The following SPRYD3 variants were observed in gnomAD, a reference collection of about 807,000 sequenced individuals.
SPRYD3 encodes SPRY domain containing 3, also known as SPRY domain-containing protein 3.
In SPRYD3, 17 loss-of-function variants were observed where a neutral mutation model predicts 50.1. The observed-to-expected ratio is 0.34, with a 90% CI of 0.23 to 0.51. The LOEUF (loss-of-function observed/expected upper bound fraction) is 0.51, where lower values mean the gene tolerates loss of function less well. Among genes scored for constraint, SPRYD3 ranks in the 20% least tolerant of loss-of-function variants. The probability of loss-of-function intolerance (pLI) is 0.97; values close to 1 mark genes in which losing one functional copy is unlikely to be tolerated. For synonymous variants in SPRYD3, 198 were observed against 215.5 expected (o/e 0.92, Z 0.71); for missense variants, 401 against 591.2 (o/e 0.68, Z 3.34).
chr12:53,078,038 G>A, intron 1 of SPRYD3: 1 of 437,088 alleles, frequency 2.3e-6, no homozygotes, highest in Non-Finnish European at 4.6e-6. Context: ...TTAAAACAAT[G>A]AGCCAGGTGT....
At chr12:53,079,284 G>C (rs1944614464) in intron 1 of SPRYD3, 27 bp downstream of exon 1, 1 of 1,597,828 alleles carries the variant, frequency 6.3e-7, no homozygotes, top group African/African-American at 1.3e-5. Context: ...CGAGGCCTCC[G>C]GGACCCCGCC....
chr12:53,078,132 T>C (rs950413208), intron 1 of SPRYD3: 3 of 453,986 alleles, frequency 6.6e-6, no homozygotes, highest in African/African-American at 6.0e-5. Flanking sequence ...TCAGTTCTGA[T>C]TGTGCCACTA....
rs201934769 is a variant in SPRYD3, at chr12:53,073,479, G to T, written c.508-8C>A. 6 of 1,521,900 alleles carry T rather than the reference G, an allele frequency of 3.9e-6. No homozygotes were observed. The highest frequency in any genetic ancestry group is 2.4e-5 in the South Asian group (2 of 82,660). 94.3% of individuals were successfully genotyped at this position (1,521,900 alleles called of 1,614,324 possible). A position where few individuals can be genotyped will look rare whatever the true frequency, so the allele number is the denominator to read the frequency against. ...CATGATGGTAGAGCCCACCTGCAGT[G>T]GGGGGAAAGACGGAGCTGCCACCCG... On this transcript the variant is annotated splice_polypyrimidine_tract_variant and splice_region_variant and intron_variant, in intron 5 of 10. Coordinates refer to ENST00000301463, the MANE Select transcript of SPRYD3 (RefSeq NM_032840.3).
rs553713532 is a variant in SPRYD3, at chr12:53,076,906, G to A, written c.170+209C>T. On this transcript the variant is annotated intron_variant, in intron 2 of 10. Transcript: ENST00000301463. ...GGAGGTTGCAGTGAGCTGAGATCACGCCACTGCACTGTAGCCTGGGTGACA... is the reference window on the plus strand; with the variant it reads ...GGAGGTTGCAGTGAGCTGAGATCACACCACTGCACTGTAGCCTGGGTGACA... Among the ~76,000 whole-genome samples the A allele has an allele frequency of 5.3e-5, 8 of 151,710 alleles. No homozygotes were observed. The East Asian group carries it at 9.7e-4, about 18-fold the overall frequency.
At chr12:53,075,294 C>G in intron 3 of SPRYD3, 75 bp from the exon 4 acceptor site, 1 of 1,510,494 alleles carries the variant, frequency 6.6e-7, no homozygotes, top group Non-Finnish European at 9.1e-7. Flanking sequence ...GGGAAGGGGA[C>G]TTAGAGATTA....
chr12:53,067,857 GA>G, intron 7 of SPRYD3, 152 bp from the exon 8 acceptor site: 1 of 775,286 alleles, frequency 1.3e-6, no homozygotes, highest in Admixed American at 2.2e-5. Flanking sequence ...GGCTTCAGGG[GA>G]ACCAGGGAGG....
At position 53,069,332 on chromosome 12, in the gene SPRYD3, C is replaced by T. The variant is rs185923508; in HGVS notation, c.694-1028G>A. Among the ~76,000 whole-genome samples the T allele has an allele frequency of 2.0e-4, 31 of 152,284 alleles. No homozygotes were observed. The East Asian group carries it at 5.6e-3, about 28-fold the overall frequency. The stretch of plus-strand genomic sequence containing the variant: ...ACATGTTGCCTAGGGACCTCCTCCA[C>T]GTCTCCCTGGCAAGCTTTGGGACGC... On this transcript the variant is annotated intron_variant, in intron 6 of 10. Transcript: ENST00000301463.
In SPRYD3 at chr12:53,067,668, C is replaced by T. The variant is rs763687117; in HGVS notation, c.881G>A (p.Gly294Glu). The T allele has an allele frequency of 1.2e-6, 2 of 1,614,084 alleles. No individual in the cohort carries two copies. The change falls in exon 8 of 11, where the codon GGG becomes GAG. Residue 294 changes from glycine to glutamate, a missense_variant. Physicochemically the swap from Gly to Glu is moderately conservative, Grantham distance 98. Transcript: ENST00000301463. ...TTCACCTGCATGATAAGCCACAGAC[C>T]CTCTGCTCCAGCCAGGGTGCCTGTT... Reference protein sequence around the residue: ...PKNRHPGWSRGSVAYHADDGK... With the variant: ...PKNRHPGWSRESVAYHADDGK...
intron 1 of SPRYD3, among the ~76,000 whole-genome samples, chr12:53,079,076 G>A (rs1944612284): frequency 6.6e-6 from 1 of 152,202 alleles, no homozygotes; most frequent in Non-Finnish European, 1.5e-5. Flanking sequence ...CCCGGGCACG[G>A]CCTGATCACT....
intron 5 of SPRYD3, among the ~76,000 whole-genome samples, chr12:53,073,793 G>A (rs894991715): frequency 6.0e-5 from 9 of 149,862 alleles, no homozygotes; most frequent in African/African-American, 1.7e-4. Flanking sequence ...GCAGTGAGCC[G>A]AGATGGTGCC....
At position 53,077,351 on chromosome 12, in the gene SPRYD3, G is replaced by A. The variant is rs114424478; in HGVS notation, c.24-90C>T. ...GACCCAGAAGGTAGAGAAGGCACTG[G>A]CCTTGAGGCCAGCTGCCCAGATTGA... On this transcript the variant is annotated intron_variant, in intron 1 of 10. Coordinates refer to ENST00000301463, the MANE Select transcript of SPRYD3 (RefSeq NM_032840.3). 232 of 1,424,326 alleles carry A rather than the reference G, an allele frequency of 1.6e-4. No homozygotes were observed. The African/African-American group carries it at 2.9e-3, about 18-fold the overall frequency. The allele number at this position is 1,424,326 out of a possible 1,614,324, so 88.2% of individuals were successfully genotyped here. A position where few individuals can be genotyped will look rare whatever the true frequency, so the allele number is the denominator to read the frequency against.
At chr12:53,066,212 T>A (rs1944504680) in intron 10 of SPRYD3, 102 bp downstream of exon 10, 1 of 1,540,770 alleles carries the variant, frequency 6.5e-7, no homozygotes, top group African/African-American at 1.4e-5. Context: ...CGCCAGAGCT[T>A]CCCGTCTTTC....
At position 53,073,314 on chromosome 12, in the gene SPRYD3, C is replaced by A; in HGVS notation, c.665G>T (p.Arg222Leu). 7.3e-7 allele frequency: 1 copy of A among 1,368,076 alleles called. No individual in the cohort carries two copies. Among genetic ancestry groups the A allele is most frequent in the East Asian group, 4.0e-5 (1 of 25,006 alleles). The allele number at this position is 1,368,076 out of a possible 1,614,324, so 84.7% of individuals were successfully genotyped here. Residue 222 changes from arginine (R) to leucine (L), a missense_variant, in exon 6 of 11, where the codon CGG (arginine) becomes CTG (leucine). By Grantham distance (102) the Arg-to-Leu change is moderately radical. Coordinates refer to ENST00000301463, the MANE Select transcript of SPRYD3 (RefSeq NM_032840.3). ...CCCACAGACTCTGACATCATGTAGC[C>A]GGCCCCATTCATCCTCGTAACTGTC... ...MVDSYEDEWG[R>L]LHDVRVCGTL... is the part of the protein sequence containing the mutation.
At chr12:53,078,484 C>CAA (rs79320546) in intron 1 of SPRYD3, among the ~76,000 whole-genome samples, 11 of 68,762 alleles carry the variant, frequency 1.6e-4, no homozygotes, top group Middle Eastern at 7.9e-3. Flanking sequence ...AACTCCATCT[C>CAA]AAAAAAAAAA....
Position 53,074,806 on chromosome 12 carries a change from C to T in SPRYD3, c.372-22G>A, listed in dbSNP as rs1944576497. ...CAGCCTACAGACAGAGTAGTACAGA[C>T]ACAGGACCCGAGCCTGGCCTCCCAA... is the stretch of plus-strand genomic sequence containing the variant. On this transcript the variant is annotated intron_variant, in intron 4 of 10. Transcript: ENST00000301463. The surrounding 1 kb of genome is among the most constrained non-coding windows in gnomAD (Gnocchi z 4.6). The T allele has an allele frequency of 6.2e-7, 1 of 1,613,256 alleles. No individual in the cohort carries two copies.
rs1944498645 is a variant in SPRYD3, at chr12:53,065,714, A to C, written c.*118T>G. Reference sequence around the variant, plus strand: ...CAGGGGCCTGAGCCAGTGGGGGCAGAGTGACTACACACCTCCAGGGGCCTG... The same window carrying C: ...CAGGGGCCTGAGCCAGTGGGGGCAGCGTGACTACACACCTCCAGGGGCCTG... On this transcript the variant is annotated 3_prime_UTR_variant, in exon 11 of 11. Transcript: ENST00000301463. The C allele has an allele frequency of 3.7e-6, 4 of 1,073,942 alleles. No individual in the cohort carries two copies. In the East Asian group the frequency reaches 9.6e-5, roughly 26 times the overall value. 66.5% of individuals were successfully genotyped at this position (1,073,942 alleles called of 1,614,324 possible).
Position 53,074,566 on chromosome 12 carries a change from G to C in SPRYD3, c.507+83C>G. On this transcript the variant is annotated intron_variant, in intron 5 of 10. Coordinates refer to ENST00000301463, the MANE Select transcript of SPRYD3 (RefSeq NM_032840.3). This position sits in a 1 kb window ranked among gnomAD's most constrained non-coding sequence, Gnocchi z 4.6. ...TGCAAGGGTCCCTGGGCAAGCCCCA[G>C]CCAGCAGACTCTTCCTAATCACTCC... The C allele has an allele frequency of 6.4e-7, 1 of 1,565,884 alleles. No individual in the cohort carries two copies. The highest frequency in any genetic ancestry group is 8.7e-7 in the Non-Finnish European group (1 of 1,143,194).
Position 53,068,601 on chromosome 12 carries a change from C to T in SPRYD3, c.694-297G>A, listed in dbSNP as rs1663165324. Among the ~76,000 whole-genome samples, 4 of 152,288 alleles carry T rather than the reference C, an allele frequency of 2.6e-5. No individual in the cohort carries two copies. The South Asian group carries it at 8.3e-4, about 32-fold the overall frequency. ...GCTAGGGGAGCGGCACACCAGGGGG[C>T]TCTAGATGCATCCTCGCCCGCTGAA... On this transcript the variant is annotated intron_variant, in intron 6 of 10. Coordinates refer to ENST00000301463, the MANE Select transcript of SPRYD3 (RefSeq NM_032840.3).
At chr12:53,073,260 C>CCGGGGGGGGGGGCG in intron 6 of SPRYD3, 26 bp downstream of exon 6, 1 of 416,308 alleles carries the variant, frequency 2.4e-6, no homozygotes, top group Non-Finnish European at 4.4e-6. Context: ...GACCCAGCCC[C>CCGGGGGGGGGGGCG]TCCCACCCTC....
Sources: gnomAD v4.1 joint callset for allele counts (sites outside exome capture counted in the v4.1 genomes callset) on GRCh38, gnomAD v4.1.1 for gene constraint, Gnocchi (gnomAD v3.1) non-coding constraint, MANE v1.5 for transcripts, NCBI Gene and HGNC (gene_info 2026-07-23, HGNC 2026-07-21) for gene names.